KLF8: variants seen among roughly 807,000 people sequenced by gnomAD.
KLF8 encodes the protein Krueppel-like factor 8.
KLF8 carries 10 observed loss-of-function variants against 18.2 expected under a neutral mutation model. The observed-to-expected ratio is 0.55, with a 90% CI of 0.34 to 0.93. The LOEUF (loss-of-function observed/expected upper bound fraction) is 0.93, where lower values mean the gene tolerates loss of function less well. KLF8 is among the 40% of genes least tolerant of loss of function. The pLI is 0.02. For synonymous variants in KLF8, 109 were observed against 97.3 expected (o/e 1.12, Z -0.71); for missense variants, 264 against 277.9 (o/e 0.95, Z 0.36).
the KLF8 span, among the ~76,000 whole-genome samples, chrX:56,044,884 TC>T: frequency 2.7e-3 from 299 of 112,744 alleles, 1 homozygote; most frequent in African/African-American, 9.2e-3. Context: ...TGGACAGATT[TC>T]CTGCTTTGCC....
chrX:56,187,368 G>C, the KLF8 span, among the ~76,000 whole-genome samples: 2 of 111,890 alleles, frequency 1.8e-5, no homozygotes, highest in African/African-American at 3.2e-5. Context: ...CTCTGAAATT[G>C]TGGCAATAAT....
the KLF8 span, among the ~76,000 whole-genome samples, chrX:56,181,653 G>A: frequency 1.8e-5 from 2 of 111,547 alleles, no homozygotes; most frequent in Admixed American, 1.9e-4. Context: ...TGAAAGGCAG[G>A]CCTGGTGGTG....
chrX:55,973,377 G>T, the KLF8 span, among the ~76,000 whole-genome samples: 1 of 111,660 alleles, frequency 9.0e-6, no homozygotes, highest in Non-Finnish European at 1.9e-5. Flanking sequence ...AATTAAAGAG[G>T]TTCTACCTAG....
the KLF8 span, among the ~76,000 whole-genome samples, chrX:56,084,020 TA>T: frequency 1.8e-5 from 2 of 111,793 alleles, no homozygotes; most frequent in Non-Finnish European, 3.8e-5. Flanking sequence ...TTTAAAATTT[TA>T]CAAGACAGGA....
chrX:56,258,309 G>C (rs945215801), intron 2 of KLF8, among the ~76,000 whole-genome samples: 3 of 112,220 alleles, frequency 2.7e-5, no homozygotes, highest in Non-Finnish European at 5.6e-5. Context: ...GTCTTGCTCT[G>C]TCACCCAGGC....
intron 5 of KLF8, among the ~76,000 whole-genome samples, chrX:56,278,472 C>G (rs1189548951): frequency 2.7e-5 from 3 of 111,065 alleles, no homozygotes; most frequent in South Asian, 3.8e-4. Context: ...GGAAAAGAAG[C>G]CTCACGACTC....
chrX:56,035,636 G>A, the KLF8 span, among the ~76,000 whole-genome samples: 5 of 111,725 alleles, frequency 4.5e-5, no homozygotes, highest in African/African-American at 1.6e-4. Context: ...GTTATTTTTT[G>A]TGTTTTTGAT....
At chrX:56,257,943 T>C (rs756126252) in intron 2 of KLF8, among the ~76,000 whole-genome samples, 65 of 112,469 alleles carry the variant, frequency 5.8e-4, no homozygotes, top group Non-Finnish European at 1.1e-3. Flanking sequence ...GAGTCAGTTT[T>C]AAAAATTGTT....
intron 5 of KLF8, among the ~76,000 whole-genome samples, chrX:56,274,155 C>CT (rs1309139208): frequency 1.8e-5 from 2 of 111,682 alleles, no homozygotes; most frequent in African/African-American, 6.5e-5. Context: ...ATGAGGGTTC[C>CT]TTTTTTTCCA....
the KLF8 span, among the ~76,000 whole-genome samples, chrX:55,978,175 C>A: frequency 1.8e-5 from 2 of 110,704 alleles, no homozygotes; most frequent in South Asian, 7.7e-4. Context: ...TTTGATTTGT[C>A]CTCAATCCCA....
the KLF8 span, among the ~76,000 whole-genome samples, chrX:56,189,371 C>T: frequency 3.6e-4 from 40 of 111,677 alleles, no homozygotes; most frequent in African/African-American, 1.3e-3. Flanking sequence ...CAGGAAACAA[C>T]AGGTGCTGGA....
At chrX:55,962,803 CA>C in the KLF8 span, among the ~76,000 whole-genome samples, 125 of 112,363 alleles carry the variant, frequency 1.1e-3, no homozygotes, top group African/African-American at 3.9e-3. Context: ...TATGCCATTG[CA>C]ATATTTCAGA....
At chrX:55,911,048 CAGTT>C in the KLF8 span, among the ~76,000 whole-genome samples, 1 of 111,733 alleles carries the variant, frequency 8.9e-6, no homozygotes, top group Non-Finnish European at 1.9e-5. Context: ...ATAATATAAA[CAGTT>C]AATTAATATA....
the KLF8 span, among the ~76,000 whole-genome samples, chrX:56,196,201 A>T: frequency 9.0e-6 from 1 of 111,594 alleles, no homozygotes; most frequent in East Asian, 2.8e-4. Flanking sequence ...AACTAACATC[A>T]TAATGACAGG....
the KLF8 span, among the ~76,000 whole-genome samples, chrX:56,085,391 A>G: frequency 0.081 from 9,079 of 111,915 alleles, 904 homozygotes; most frequent in African/African-American, 0.28. Flanking sequence ...CCAGAGACAG[A>G]TTCCAGTATG....
the KLF8 span, among the ~76,000 whole-genome samples, chrX:56,060,773 C>T: frequency 1.8e-5 from 2 of 111,832 alleles, no homozygotes; most frequent in African/African-American, 6.5e-5. Context: ...GGAATGGTAC[C>T]AGCTCCTCTT....
chrX:55,978,064 T>C, the KLF8 span, among the ~76,000 whole-genome samples: 3 of 110,167 alleles, frequency 2.7e-5, no homozygotes, highest in Non-Finnish European at 5.7e-5. Flanking sequence ...TCTCTCTCTC[T>C]CTATATATAT....
the KLF8 span, among the ~76,000 whole-genome samples, chrX:56,158,023 G>T: frequency 1.8e-5 from 2 of 111,999 alleles, no homozygotes; most frequent in East Asian, 2.8e-4. Flanking sequence ...ACGGTTTTGG[G>T]TCTAACATTT....
the KLF8 span, among the ~76,000 whole-genome samples, chrX:55,932,070 A>G: frequency 9.0e-6 from 1 of 110,938 alleles, no homozygotes; most frequent in Non-Finnish European, 1.9e-5. Context: ...GTGTATATAT[A>G]TGTAGGATAG....
Sources: allele counts gnomAD v4.1 joint callset (sites outside exome capture counted in the v4.1 genomes callset), GRCh38; gene constraint gnomAD v4.1.1; transcripts MANE v1.5; gene names NCBI Gene and HGNC (gene_info 2026-07-23, HGNC 2026-07-21).